The following CRPPA variants were observed in gnomAD, a reference collection of about 807,000 sequenced individuals.
CRPPA encodes the protein CDP-L-ribitol pyrophosphorylase A.
CRPPA carries 43 observed loss-of-function variants against 52.0 expected under a neutral mutation model. The ratio of observed to expected loss-of-function variants is 0.83; its 90% CI spans 0.65 to 1.07. The LOEUF (loss-of-function observed/expected upper bound fraction) is 1.07, where lower values mean the gene tolerates loss of function less well. CRPPA is among the 50% of genes least tolerant of loss of function. The pLI, the probability that CRPPA is intolerant of heterozygous loss-of-function variation, is 0.00. For synonymous variants in CRPPA, 250 were observed against 203.5 expected, an observed-to-expected ratio of 1.23 and a Z score of -1.94; for missense variants, 629 against 551.7, an observed-to-expected ratio of 1.14 and a Z score of -1.40.
chr7:16,102,662 C>T (rs575189337), intron 9 of CRPPA, among the ~76,000 whole-genome samples: 107 of 152,312 alleles, frequency 7.0e-4, no homozygotes, highest in African/African-American at 2.4e-3. Flanking sequence ...TAAACAGACA[C>T]TTCTCAACAG....
intron 8 of CRPPA, among the ~76,000 whole-genome samples, chr7:16,221,370 A>G (rs1259806749): frequency 2.0e-5 from 3 of 152,220 alleles, no homozygotes; most frequent in Non-Finnish European, 4.4e-5. Flanking sequence ...ATCACCATTC[A>G]GGACATAGGC....
At chr7:16,209,785 T>C (rs1782081313) in intron 9 of CRPPA, among the ~76,000 whole-genome samples, 1 of 152,232 alleles carries the variant, frequency 6.6e-6, no homozygotes, top group Admixed American at 6.5e-5. Flanking sequence ...TTAGATTTTT[T>C]AAAAATTTAA....
chr7:16,353,718 C>T (rs992429102), intron 3 of CRPPA, among the ~76,000 whole-genome samples: 1 of 151,876 alleles, frequency 6.6e-6, no homozygotes, highest in African/African-American at 2.4e-5. Context: ...GGCGTGGTGA[C>T]ACGTGCCTGT....
At chr7:16,388,492 G>T (rs1405890421) in intron 2 of CRPPA, among the ~76,000 whole-genome samples, 2 of 152,032 alleles carry the variant, frequency 1.3e-5, no homozygotes, top group Non-Finnish European at 2.9e-5. Context: ...GGGGAAAGAA[G>T]AACTAAAATT....
intron 1 of CRPPA, among the ~76,000 whole-genome samples, chr7:16,411,925 G>C (rs1788085033): frequency 6.6e-6 from 1 of 152,116 alleles, no homozygotes; most frequent in Non-Finnish European, 1.5e-5. Context: ...AAATCAGTTT[G>C]CTACTTTTTA....
intron 8 of CRPPA, among the ~76,000 whole-genome samples, chr7:16,239,559 C>CAAAAAA (rs751232682): frequency 0.027 from 1,275 of 47,214 alleles, 89 homozygotes; most frequent in East Asian, 0.062. Context: ...AAGTCAATAG[C>CAAAAAA]AAAAAAAAAA....
intron 9 of CRPPA, among the ~76,000 whole-genome samples, chr7:16,188,875 C>T (rs1030919329): frequency 6.6e-6 from 1 of 152,158 alleles, no homozygotes; most frequent in African/African-American, 2.4e-5. Flanking sequence ...GACTAGTATA[C>T]AGCAGGTCTC....
chr7:16,309,689 G>C (rs970614603), intron 3 of CRPPA, among the ~76,000 whole-genome samples: 6 of 151,752 alleles, frequency 4.0e-5, no homozygotes, highest in African/African-American at 1.5e-4. Context: ...ACTTATTTTA[G>C]AAAGCATATC....
chr7:16,141,722 C>A (rs1782875177), intron 9 of CRPPA, among the ~76,000 whole-genome samples: 1 of 152,174 alleles, frequency 6.6e-6, no homozygotes, highest in South Asian at 2.1e-4. Context: ...AAGCCTTGAT[C>A]TTCCACTCAG....
intron 3 of CRPPA, among the ~76,000 whole-genome samples, chr7:16,357,408 AC>A (rs1786329166): frequency 6.6e-6 from 1 of 152,028 alleles, no homozygotes; most frequent in South Asian, 2.1e-4. Context: ...CAAACTCCTG[AC>A]CCTCAAGTGA....
At chr7:16,420,547 A>C (rs1788302885) in intron 1 of CRPPA, among the ~76,000 whole-genome samples, 1 of 152,084 alleles carries the variant, frequency 6.6e-6, no homozygotes. Context: ...CCACCATTGA[A>C]AGGTTATTAA....
chr7:16,330,990 T>TTTTTG (rs893286464), intron 3 of CRPPA, among the ~76,000 whole-genome samples: 11 of 152,080 alleles, frequency 7.2e-5, no homozygotes, highest in East Asian at 3.9e-4. Context: ...GAAACATGTT[T>TTTTTG]TTTTGTTTTG....
At chr7:16,097,584 A>T (rs1369439013) in intron 9 of CRPPA, among the ~76,000 whole-genome samples, 1 of 152,168 alleles carries the variant, frequency 6.6e-6, no homozygotes, top group Non-Finnish European at 1.5e-5. Flanking sequence ...ATAGTAATGA[A>T]GTCGTGTCAA....
At chr7:16,277,739 T>C (rs193153272) in intron 6 of CRPPA, among the ~76,000 whole-genome samples, 1 of 152,310 alleles carries the variant, frequency 6.6e-6, no homozygotes, top group Non-Finnish European at 1.5e-5. Context: ...TTTCACCTTT[T>C]GTCATCATGT....
At chr7:16,226,209 TAAGA>T (rs1400151929) in intron 8 of CRPPA, among the ~76,000 whole-genome samples, 2 of 151,960 alleles carry the variant, frequency 1.3e-5, no homozygotes, top group Non-Finnish European at 2.9e-5. Flanking sequence ...TGTAGATATA[TAAGA>T]TTAACATCTT....
At chr7:16,381,199 C>A (rs4975382) in intron 2 of CRPPA, among the ~76,000 whole-genome samples, 1 of 152,144 alleles carries the variant, frequency 6.6e-6, no homozygotes, top group Admixed American at 6.5e-5. Context: ...TTTCATTGTT[C>A]TGGTTGGTTT....
intron 1 of CRPPA, among the ~76,000 whole-genome samples, chr7:16,418,768 G>C (rs74721357): frequency 1.3e-5 from 2 of 152,118 alleles, no homozygotes; most frequent in South Asian, 2.1e-4. Flanking sequence ...TTTAACATGC[G>C]GGGTTATGGG....
chr7:16,194,490 G>A (rs1166721968), intron 9 of CRPPA, among the ~76,000 whole-genome samples: 1 of 152,072 alleles, frequency 6.6e-6, no homozygotes, highest in Non-Finnish European at 1.5e-5. Context: ...AGCATGGCAA[G>A]AAACTAAAAT....
intron 9 of CRPPA, among the ~76,000 whole-genome samples, chr7:16,133,254 T>A (rs1782710144): frequency 8.2e-6 from 1 of 121,268 alleles, no homozygotes; most frequent in African/African-American, 2.7e-5. Flanking sequence ...GAGGTGGAGG[T>A]TGCAGTGAGC....
Sources: allele counts gnomAD v4.1 joint callset (sites outside exome capture counted in the v4.1 genomes callset), GRCh38; gene constraint gnomAD v4.1.1; transcripts MANE v1.5; gene names NCBI Gene and HGNC (gene_info 2026-07-23, HGNC 2026-07-21).